The following KCTD8 variants were observed in gnomAD, a reference collection of about 807,000 sequenced individuals.
KCTD8 encodes potassium channel tetramerization domain containing 8, also known as BTB/POZ domain-containing protein KCTD8.
In KCTD8, 27 loss-of-function variants were observed where a neutral mutation model predicts 31.5. The observed-to-expected ratio is 0.86, with a 90% confidence interval of 0.63 to 1.18. The LOEUF is 1.18. Ranked by LOEUF, KCTD8 falls within the 50% of genes most tolerant of loss-of-function variation. The pLI is 0.00. For missense variants in KCTD8, 658 were observed against 647.7 expected, an observed-to-expected ratio of 1.02 and a Z score of -0.17; for synonymous variants, 290 against 280.0, an observed-to-expected ratio of 1.04 and a Z score of -0.36.
At chr4:44,340,201 G>A (rs919289024) in intron 1 of KCTD8, among the ~76,000 whole-genome samples, 1 of 152,014 alleles carries the variant, frequency 6.6e-6, no homozygotes, top group Non-Finnish European at 1.5e-5. Flanking sequence ...TCCTGGACTT[G>A]CCCAAGGTAA....
At chr4:44,365,205 A>C (rs1389036694) in intron 1 of KCTD8, among the ~76,000 whole-genome samples, 1 of 152,124 alleles carries the variant, frequency 6.6e-6, no homozygotes, top group Non-Finnish European at 1.5e-5. Flanking sequence ...TTACTGCACA[A>C]TGTTTCTGTA....
intron 1 of KCTD8, among the ~76,000 whole-genome samples, chr4:44,375,868 T>C (rs1431269308): frequency 6.6e-6 from 1 of 152,116 alleles, no homozygotes; most frequent in Non-Finnish European, 1.5e-5. Context: ...TTATACTTAA[T>C]CTCTTTCTCA....
chr4:44,281,679 T>A (rs1200077833), intron 1 of KCTD8, among the ~76,000 whole-genome samples: 2 of 152,102 alleles, frequency 1.3e-5, no homozygotes, highest in Non-Finnish European at 2.9e-5. Context: ...CTAGTAGAAA[T>A]TAGTCTTGAA....
chr4:44,328,936 G>C (rs1384249845), intron 1 of KCTD8, among the ~76,000 whole-genome samples: 1 of 151,830 alleles, frequency 6.6e-6, no homozygotes, highest in Non-Finnish European at 1.5e-5. Flanking sequence ...TAGACACTTA[G>C]GTGTCCAACC....
intron 1 of KCTD8, among the ~76,000 whole-genome samples, chr4:44,382,651 A>G (rs1399331704): frequency 6.6e-6 from 1 of 151,196 alleles, no homozygotes; most frequent in Non-Finnish European, 1.5e-5. Flanking sequence ...AATCGTTTGA[A>G]CTCGGGAGGT....
chr4:44,292,703 T>G (rs1184265822), intron 1 of KCTD8, among the ~76,000 whole-genome samples: 1 of 152,108 alleles, frequency 6.6e-6, no homozygotes, highest in Non-Finnish European at 1.5e-5. Flanking sequence ...TTATTACAAC[T>G]AGGTATGTTG....
intron 1 of KCTD8, among the ~76,000 whole-genome samples, chr4:44,261,065 C>T (rs1216010584): frequency 2.6e-5 from 4 of 151,906 alleles, no homozygotes; most frequent in Non-Finnish European, 5.9e-5. Context: ...GACTTCAGCT[C>T]TACTTTGAAG....
chr4:44,375,776 T>C (rs986656619), intron 1 of KCTD8, among the ~76,000 whole-genome samples: 1 of 152,142 alleles, frequency 6.6e-6, no homozygotes, highest in Admixed American at 6.6e-5. Flanking sequence ...GGTTTGTCAG[T>C]CATGACAACA....
intron 1 of KCTD8, among the ~76,000 whole-genome samples, chr4:44,206,095 T>G (rs1162380773): frequency 6.6e-6 from 1 of 151,912 alleles, no homozygotes; most frequent in Non-Finnish European, 1.5e-5. Flanking sequence ...TATTTATTTT[T>G]TTTTAATTTA....
intron 1 of KCTD8, among the ~76,000 whole-genome samples, chr4:44,301,129 G>C (rs886893318): frequency 6.6e-6 from 1 of 151,990 alleles, no homozygotes; most frequent in Non-Finnish European, 1.5e-5. Flanking sequence ...TTGGACATTT[G>C]GGTTGGTTCC....
intron 1 of KCTD8, among the ~76,000 whole-genome samples, chr4:44,341,038 T>C (rs1276868763): frequency 6.6e-6 from 1 of 152,130 alleles, no homozygotes; most frequent in Non-Finnish European, 1.5e-5. Context: ...AGCCATACCT[T>C]GGAGATATTG....
At chr4:44,175,936 C>T (rs930610463) in intron 1 of KCTD8, among the ~76,000 whole-genome samples, 3 of 152,152 alleles carry the variant, frequency 2.0e-5, no homozygotes, top group African/African-American at 7.2e-5. Context: ...ATAAGGCCTA[C>T]CATTTGAGGT....
At chr4:44,317,011 A>T (rs181560700) in intron 1 of KCTD8, among the ~76,000 whole-genome samples, 1 of 150,466 alleles carries the variant, frequency 6.6e-6, no homozygotes, top group Non-Finnish European at 1.5e-5. Context: ...TAATAATAAA[A>T]AAAAAACAAA....
At chr4:44,326,485 C>T (rs982110150) in intron 1 of KCTD8, among the ~76,000 whole-genome samples, 1 of 151,846 alleles carries the variant, frequency 6.6e-6, no homozygotes, top group Non-Finnish European at 1.5e-5. Context: ...GTATATTTTA[C>T]TAACCTGAAG....
chr4:44,442,934 C>T (rs923075192), intron 1 of KCTD8, among the ~76,000 whole-genome samples: 6 of 152,066 alleles, frequency 3.9e-5, no homozygotes, highest in African/African-American at 1.4e-4. Context: ...GCAGGGAAAG[C>T]CAAAGCCATA....
intron 1 of KCTD8, among the ~76,000 whole-genome samples, chr4:44,402,448 A>G (rs1218137974): frequency 6.6e-6 from 1 of 152,160 alleles, no homozygotes; most frequent in Non-Finnish European, 1.5e-5. Flanking sequence ...AGAAGAAATA[A>G]AAGTGCATAA....
chr4:44,182,711 C>T (rs1044979068), intron 1 of KCTD8, among the ~76,000 whole-genome samples: 1 of 152,132 alleles, frequency 6.6e-6, no homozygotes, highest in Non-Finnish European at 1.5e-5. Flanking sequence ...TGTTTATGTG[C>T]TGACCTTCCC....
intron 1 of KCTD8, among the ~76,000 whole-genome samples, chr4:44,347,735 AT>A (rs1158627086): frequency 6.6e-6 from 1 of 152,190 alleles, no homozygotes; most frequent in African/African-American, 2.4e-5. Flanking sequence ...TAATAATAGA[AT>A]TTTATATATA....
At chr4:44,292,662 G>C (rs963768242) in intron 1 of KCTD8, among the ~76,000 whole-genome samples, 1 of 151,956 alleles carries the variant, frequency 6.6e-6, no homozygotes, top group Admixed American at 6.6e-5. Context: ...ATAATTAGGT[G>C]GTGGTGCAAT....
Sources: gnomAD v4.1 joint callset for allele counts (sites outside exome capture counted in the v4.1 genomes callset) on GRCh38, gnomAD v4.1.1 for gene constraint, MANE v1.5 for transcripts, NCBI Gene and HGNC (gene_info 2026-07-23, HGNC 2026-07-21) for gene names.